Variants in ADAM15 observed in about 807,000 individuals in gnomAD.
The protein encoded by ADAM15 is ADAM metallopeptidase domain 15, also known as disintegrin and metalloproteinase domain-containing protein 15.
A neutral mutation model predicts 113.8 loss-of-function variants in ADAM15; 77 were observed. The observed-to-expected ratio is 0.68, with a 90% confidence interval of 0.56 to 0.82. The LOEUF is 0.82. Among genes scored for constraint, ADAM15 ranks in the 40% least tolerant of loss-of-function variants. The probability of loss-of-function intolerance (pLI) is 0.00; values close to 1 mark genes in which losing one functional copy is unlikely to be tolerated. For synonymous variants in ADAM15, 388 were observed against 454.1 expected, an observed-to-expected ratio of 0.85 and a Z score of 1.85; for missense variants, 963 against 1,120.1, an observed-to-expected ratio of 0.86 and a Z score of 2.00.
Position 155,058,845 on chromosome 1 carries a change from T to C in ADAM15, c.1995+58T>C. Reference sequence around the variant, plus strand: ...AGAGAGCCTCTAGAGAGGAAAAGGATACTGGGCTTTGGAAATAGACATATC... The same window carrying C: ...AGAGAGCCTCTAGAGAGGAAAAGGACACTGGGCTTTGGAAATAGACATATC... On this transcript the variant is annotated intron_variant, in intron 16 of 22. Coordinates refer to ENST00000356955, the MANE Select transcript of ADAM15 (RefSeq NM_207197.3). The surrounding 1 kb of genome is among the most constrained non-coding windows in gnomAD (Gnocchi z 4.3). 2 of 1,533,418 alleles carry C rather than the reference T, an allele frequency of 1.3e-6. No individual in the cohort carries two copies. Among genetic ancestry groups the C allele is most frequent in the Non-Finnish European group, 1.8e-6 (2 of 1,140,086 alleles). 95.0% of individuals were successfully genotyped at this position (1,533,418 alleles called of 1,614,324 possible). A position where few individuals can be genotyped will look rare whatever the true frequency, so the allele number is the denominator to read the frequency against.
Position 155,058,575 on chromosome 1 carries a change from A to C in ADAM15, c.1917+134A>C. 6.4e-7 allele frequency: 1 copy of C among 1,550,652 alleles called. No individual in the cohort carries two copies. The highest frequency in any genetic ancestry group is 8.7e-7 in the Non-Finnish European group (1 of 1,148,530). ...GAAGTCAGTTTCTTACTTCAGATGG[A>C]GCAAAGTCCTATCAACTCACTATGC... is the stretch of plus-strand genomic sequence containing the variant. On this transcript the variant is annotated intron_variant, in intron 15 of 22. Transcript: ENST00000356955. The surrounding 1 kb of genome is among the most constrained non-coding windows in gnomAD (Gnocchi z 4.3).
intron 1 of ADAM15, chr1:155,052,318 C>T (rs1051051327): frequency 1.2e-5 from 7 of 596,662 alleles, no homozygotes; most frequent in Admixed American, 6.9e-5. Context: ...AGCTCAGTCT[C>T]GAGAGGGGGC....
chr1:155,052,588 C>T (rs773196353), intron 1 of ADAM15, 83 bp from the exon 2 acceptor site: 1 of 1,552,116 alleles, frequency 6.4e-7, no homozygotes, highest in South Asian at 1.2e-5. Context: ...GGGCTGGGAG[C>T]TGGTGGATCT....
At position 155,055,922 on chromosome 1, in the gene ADAM15, T is replaced by C; in HGVS notation, c.676-10T>C. 1 of 1,614,140 alleles carries C rather than the reference T, an allele frequency of 6.2e-7. No homozygotes were observed. The highest frequency in any genetic ancestry group is 8.5e-7 in the Non-Finnish European group (1 of 1,179,982). On this transcript the variant is annotated splice_polypyrimidine_tract_variant and intron_variant, in intron 7 of 22. Coordinates refer to ENST00000356955, the MANE Select transcript of ADAM15 (RefSeq NM_207197.3). ...CTGCCGCCTTTCATGTCACCTCTCT[T>C]GGCCTACAGGCCCAGAAATACCGGG...
intron 1 of ADAM15, 135 bp downstream of exon 1, chr1:155,051,600 T>A (rs1335792530): frequency 7.5e-6 from 6 of 803,860 alleles, no homozygotes; most frequent in Non-Finnish European, 1.1e-5. Context: ...CCTGGTCCGC[T>A]GTCCTGGGCC....
chr1:155,052,538 A>C, intron 1 of ADAM15, 133 bp from the exon 2 acceptor site: 1 of 1,548,886 alleles, frequency 6.5e-7, no homozygotes, highest in Admixed American at 2.0e-5. Context: ...AAGTCTCAGC[A>C]TGCAATGTGG....
chr1:155,059,247 C>T (rs1662222160), intron 16 of ADAM15, among the ~76,000 whole-genome samples: 1 of 151,990 alleles, frequency 6.6e-6, no homozygotes, highest in Admixed American at 6.6e-5. Context: ...TTTGTATTTT[C>T]AGTAGAGATG....
chr1:155,057,277 G>A lies in ADAM15; in HGVS notation c.1238G>A (p.Arg413Gln), dbSNP rs746222136. 14 of 1,614,174 alleles carry A rather than the reference G, an allele frequency of 8.7e-6. No homozygotes were observed. The highest frequency in any genetic ancestry group is 3.3e-5 in the South Asian group (3 of 91,088). Residue 413 changes from arginine to glutamine, a missense_variant, in exon 12 of 23, where the codon CGG (arginine) becomes CAG (glutamine). By Grantham distance (43) the Arg-to-Gln change is conservative. Transcript: ENST00000356955. This position sits in a 1 kb window ranked among gnomAD's most constrained non-coding sequence, Gnocchi z 5.0. ...GGAATGGGCAGCTGCCTCTTCGAAC[G>A]GCTGCCTAGCCTACCCCCTATGGCT... ...LDGMGSCLFE[R>Q]LPSLPPMAAF... is the part of the protein sequence containing the mutation.
In ADAM15 at chr1:155,051,441, C is replaced by A. The variant is rs769883732; in HGVS notation, c.55C>A (p.Pro19Thr). ...GCTCCTGGGCGCGGGCAGCCCTCTG[C>A]CTTCCTGGCCGCTCCCAAATATAGG... ...LGLLGAGSPL[P>T]SWPLPNIGGT... Residue 19 changes from proline (P) to threonine (T), a missense_variant, in exon 1 of 23, where the codon CCT (proline) becomes ACT (threonine). By Grantham distance (38) the Pro-to-Thr change is conservative. Transcript: ENST00000356955. 6.4e-7 allele frequency: 1 copy of A among 1,568,076 alleles called. No homozygotes were observed.
At chr1:155,059,778 G>C (rs1662317471) in intron 16 of ADAM15, 124 bp from the exon 17 acceptor site, 2 of 993,594 alleles carry the variant, frequency 2.0e-6, no homozygotes, top group South Asian at 3.0e-5. Flanking sequence ...CCTCCCTCCG[G>C]GCTGTCTCTA....
Position 155,059,992 on chromosome 1 carries a change from G to A in ADAM15, c.2068+18G>A. On this transcript the variant is annotated intron_variant, in intron 17 of 22. Transcript: ENST00000356955. ...GCTCAAAGGTAGCATGGGGGTGGGG[G>A]ACAGGGGCAGCTGGGAGGGCAAAGC... is the stretch of plus-strand genomic sequence containing the variant. 1 of 1,613,610 alleles carries A rather than the reference G, an allele frequency of 6.2e-7. No individual in the cohort carries two copies. The highest frequency in any genetic ancestry group is 1.7e-5 in the Admixed American group (1 of 59,994).
rs750592372 is a variant in ADAM15, at chr1:155,058,836, G to A, written c.1995+49G>A. On this transcript the variant is annotated intron_variant, in intron 16 of 22. Coordinates refer to ENST00000356955, the MANE Select transcript of ADAM15 (RefSeq NM_207197.3). This position sits in a 1 kb window ranked among gnomAD's most constrained non-coding sequence, Gnocchi z 4.3. ...AAGGGGAGCAGAGAGCCTCTAGAGA[G>A]GAAAAGGATACTGGGCTTTGGAAAT... 1.3e-6 allele frequency: 2 copies of A among 1,561,918 alleles called. No individual in the cohort carries two copies. Among genetic ancestry groups the A allele is most frequent in the Non-Finnish European group, 8.7e-7 (1 of 1,154,236 alleles).
Position 155,060,356 on chromosome 1 carries a change from C to T in ADAM15, c.2207+13C>T. 1.2e-6 allele frequency: 2 copies of T among 1,612,728 alleles called. No homozygotes were observed. Among genetic ancestry groups the T allele is most frequent in the Non-Finnish European group, 1.7e-6 (2 of 1,178,930 alleles). ...CCTGCCAGTACAGGTATGAGCATCA[C>T]CTCCCTGCTACCACTTCCTTCAACT... is the stretch of plus-strand genomic sequence containing the variant. On this transcript the variant is annotated intron_variant, in intron 18 of 22. Coordinates refer to ENST00000356955, the MANE Select transcript of ADAM15 (RefSeq NM_207197.3).
chr1:155,053,112 C>A (rs949194905), intron 2 of ADAM15, among the ~76,000 whole-genome samples: 13 of 126,716 alleles, frequency 1.0e-4, no homozygotes, highest in South Asian at 3.7e-4. Flanking sequence ...ACCAAACCCC[C>A]CCCCCCCCAC....
rs1038711420 is a variant in ADAM15 at position 155,058,527 on chromosome 1, T to C, written c.1917+86T>C. Reference sequence around the variant, plus strand: ...GAGCCCAGACTTCACCATTCACCAATGTCAAAGGCAGGGACTCCAAGGGAA... The same window carrying C: ...GAGCCCAGACTTCACCATTCACCAACGTCAAAGGCAGGGACTCCAAGGGAA... On this transcript the variant is annotated intron_variant, in intron 15 of 22. Transcript: ENST00000356955. The surrounding 1 kb of genome is among the most constrained non-coding windows in gnomAD (Gnocchi z 4.3). 46 of 1,565,640 alleles carry C rather than the reference T, an allele frequency of 2.9e-5. No individual in the cohort carries two copies. The highest frequency in any genetic ancestry group is 6.8e-5 in the African/African-American group (5 of 73,870).
Position 155,062,608 on chromosome 1 carries a change from G to T in ADAM15, c.*106G>T, listed in dbSNP as rs1662808489. On this transcript the variant is annotated 3_prime_UTR_variant, in exon 23 of 23. Coordinates refer to ENST00000356955, the MANE Select transcript of ADAM15 (RefSeq NM_207197.3). The surrounding 1 kb of genome is among the most constrained non-coding windows in gnomAD (Gnocchi z 7.0). The stretch of plus-strand genomic sequence containing the variant: ...ACTGAAGGCGCCAGAGACTGGCGGT[G>T]TCTTAAGACTCCGGGCACCGCCACG... 2 of 1,452,870 alleles carry T rather than the reference G, an allele frequency of 1.4e-6. No homozygotes were observed. The highest frequency in any genetic ancestry group is 2.0e-4 in the Middle Eastern group (1 of 4,990). 90.0% of individuals were successfully genotyped at this position (1,452,870 alleles called of 1,614,324 possible).
Position 155,061,992 on chromosome 1 carries a change from A to G in ADAM15, c.2424+17A>G. 1 of 1,563,264 alleles carries G rather than the reference A, an allele frequency of 6.4e-7. No homozygotes were observed. Among genetic ancestry groups the G allele is most frequent in the Admixed American group, 1.9e-5 (1 of 53,742 alleles). On this transcript the variant is annotated intron_variant, in intron 21 of 22. Coordinates refer to ENST00000356955, the MANE Select transcript of ADAM15 (RefSeq NM_207197.3). ...AGCCCGAAGGTAACGGTGGGGGGAG[A>G]GAAGGGCACGGCCTCTCCCCCCACC...
chr1:155,061,438 G>A lies in ADAM15; in HGVS notation c.2301G>A (p.Pro767=), dbSNP rs749640722. Residue 767 remains proline (P), a synonymous_variant, in exon 20 of 23, where the codon CCG becomes CCA. Transcript: ENST00000356955. ...GTKQASALSF[P]APPSRPLPPD... ...AGCAGGCTAGTGCTCTCAGCTTCCC[G>A]GCCCCCCCTTCCAGGCCGCTGCCGC... The A allele has an allele frequency of 8.8e-5, 142 of 1,613,534 alleles. 3 individuals are homozygous for A. In the South Asian group the frequency reaches 1.3e-3, roughly 14 times the overall value.
chr1:155,055,875 A>C (rs1269199251), intron 7 of ADAM15, 23 bp downstream of exon 7: 1 of 1,614,120 alleles, frequency 6.2e-7, no homozygotes, highest in Middle Eastern at 1.6e-4. Flanking sequence ...GCCCCTGCAC[A>C]TCCTCCTCCC....
Sources: gnomAD v4.1 joint callset for allele counts (sites outside exome capture counted in the v4.1 genomes callset) on GRCh38, gnomAD v4.1.1 for gene constraint, Gnocchi (gnomAD v3.1) non-coding constraint, MANE v1.5 for transcripts, NCBI Gene and HGNC (gene_info 2026-07-23, HGNC 2026-07-21) for gene names.